The following SSH2 variants were observed in gnomAD, a reference collection of about 807,000 sequenced individuals.
SSH2 encodes protein phosphatase Slingshot homolog 2.
SSH2 carries 37 observed loss-of-function variants against 135.2 expected under a neutral mutation model. The observed-to-expected ratio is 0.27, with a 90% CI of 0.21 to 0.36. The LOEUF is 0.36. Among genes scored for constraint, SSH2 ranks in the 10% least tolerant of loss-of-function variants. The probability of loss-of-function intolerance (pLI) is 1.00; values close to 1 mark genes in which losing one functional copy is unlikely to be tolerated. For synonymous variants in SSH2, 628 were observed against 646.2 expected (o/e 0.97, Z 0.43); for missense variants, 1,408 against 1,765.3 (o/e 0.80, Z 3.63).
At chr17:29,756,263 C>CA (rs1375228462) in intron 3 of SSH2, among the ~76,000 whole-genome samples, 2,026 of 82,450 alleles carry the variant, frequency 0.025, 20 homozygotes, top group Middle Eastern at 0.094. Flanking sequence ...GACTCTGTCT[C>CA]AAAAAAAAAA....
intron 1 of SSH2, among the ~76,000 whole-genome samples, chr17:29,875,012 A>C (rs1310345494): frequency 1.3e-5 from 2 of 152,128 alleles, no homozygotes. Flanking sequence ...ATGCTCCTCA[A>C]CTTACAAGGC....
chr17:29,785,980 ATTT>A (rs1338005467), intron 3 of SSH2, among the ~76,000 whole-genome samples: 1 of 148,824 alleles, frequency 6.7e-6, no homozygotes, highest in Non-Finnish European at 1.5e-5. Flanking sequence ...AGTTTTTTGT[ATTT>A]TTAGTAGAGA....
chr17:29,694,197 CT>C (rs1206790298), intron 5 of SSH2, among the ~76,000 whole-genome samples: 2 of 152,096 alleles, frequency 1.3e-5, no homozygotes, highest in Admixed American at 1.3e-4. Flanking sequence ...TTGGACACCC[CT>C]GAGAGGCTCA....
chr17:29,891,738 G>A (rs2066353737), intron 1 of SSH2, among the ~76,000 whole-genome samples: 1 of 152,036 alleles, frequency 6.6e-6, no homozygotes, highest in South Asian at 2.1e-4. Flanking sequence ...AAAGTACAGA[G>A]CAGAACCGCA....
intron 13 of SSH2, among the ~76,000 whole-genome samples, chr17:29,648,888 C>G (rs140392681): frequency 6.6e-6 from 1 of 152,124 alleles, no homozygotes; most frequent in Non-Finnish European, 1.5e-5. Flanking sequence ...TGCCTGTAAT[C>G]CCAGCACTTT....
At chr17:29,840,886 C>T (rs1388087384) in intron 2 of SSH2, among the ~76,000 whole-genome samples, 1 of 152,198 alleles carries the variant, frequency 6.6e-6, no homozygotes, top group Non-Finnish European at 1.5e-5. Flanking sequence ...AGAGTGAAGT[C>T]ACAGTCAGTA....
chr17:29,645,830 G>C (rs2036348027), intron 14 of SSH2: 2 of 152,202 alleles, frequency 1.3e-5, no homozygotes. Context: ...CAAATGTTGA[G>C]TAAATGGGAG....
At chr17:29,741,580 G>A (rs898945661) in intron 3 of SSH2, among the ~76,000 whole-genome samples, 4 of 150,776 alleles carry the variant, frequency 2.7e-5, no homozygotes, top group Non-Finnish European at 5.9e-5. Flanking sequence ...TAATGAGGCT[G>A]CAAAGCAATA....
Position 29,636,201 on chromosome 17 carries a change from T to C in SSH2, c.2029A>G (p.Ile677Val). 1 of 1,614,038 alleles carries C rather than the reference T, an allele frequency of 6.2e-7. No homozygotes were observed. Among genetic ancestry groups the C allele is most frequent in the Non-Finnish European group, 8.5e-7 (1 of 1,180,008 alleles). ...TEISDFSTDR[I>V]DFFSALEKFV... ...TTCTCTAGGGCACTAAAAAAGTCAA[T>C]GCGATCTGTACTGAAATCTGAGATT... Residue 677 changes from isoleucine (I) to valine (V), a missense_variant, in exon 15 of 16, where the codon ATT (isoleucine) becomes GTT (valine). Physicochemically the swap from Ile to Val is conservative, Grantham distance 29 (BLOSUM62 3). Around this residue, in one of 3 missense-constraint regions of SSH2, gnomAD observed 1,080 missense variants for 1,144.5 expected, o/e 0.94. Coordinates refer to ENST00000540801, the MANE Select transcript of SSH2 (RefSeq NM_001282129.2).
chr17:29,876,894 T>C (rs2066044080), intron 1 of SSH2, among the ~76,000 whole-genome samples: 1 of 151,762 alleles, frequency 6.6e-6, no homozygotes, highest in Admixed American at 6.6e-5. Flanking sequence ...AAAAAGCTTT[T>C]GCACAGCAAA....
rs184667008 is a variant in SSH2, at chr17:29,635,610, G to A, written c.2262+358C>T. 5.6e-3 allele frequency among the ~76,000 whole-genome samples: 850 copies of A among 151,006 alleles called. 2 individuals are homozygous for A. The highest frequency in any genetic ancestry group is 7.3e-3 in the Non-Finnish European group (496 of 67,646). On this transcript the variant is annotated intron_variant, in intron 15 of 15. Coordinates refer to ENST00000540801, the MANE Select transcript of SSH2 (RefSeq NM_001282129.2). ...TTTTTAGTAGAGACGGGGTTTCACCGTGTTAGCCAGGATGGTTTCGATCTC... is the reference window on the plus strand; with the variant it reads ...TTTTTAGTAGAGACGGGGTTTCACCATGTTAGCCAGGATGGTTTCGATCTC...
intron 1 of SSH2, among the ~76,000 whole-genome samples, chr17:29,901,410 C>T (rs1432059199): frequency 6.6e-6 from 1 of 152,138 alleles, no homozygotes; most frequent in East Asian, 1.9e-4. Flanking sequence ...TTGTATTCCT[C>T]TGTTGCAAAG....
At chr17:29,713,078 G>A (rs1354990991) in intron 3 of SSH2, among the ~76,000 whole-genome samples, 1 of 152,244 alleles carries the variant, frequency 6.6e-6, no homozygotes, top group African/African-American at 2.4e-5. Flanking sequence ...GCTCACGCCT[G>A]TAATTCCAGC....
At chr17:29,910,957 G>T (rs914235361) in intron 1 of SSH2, among the ~76,000 whole-genome samples, 9 of 151,994 alleles carry the variant, frequency 5.9e-5, no homozygotes, top group African/African-American at 1.9e-4. Context: ...CTCTGAAATG[G>T]TGACATTATT....
At chr17:29,758,802 G>A (rs907215475) in intron 3 of SSH2, among the ~76,000 whole-genome samples, 2 of 152,122 alleles carry the variant, frequency 1.3e-5, no homozygotes, top group Non-Finnish European at 2.9e-5. Flanking sequence ...AGGCTGGCAT[G>A]CAATGGCACA....
chr17:29,793,407 A>C (rs1486934244), intron 3 of SSH2, among the ~76,000 whole-genome samples: 1 of 152,180 alleles, frequency 6.6e-6, no homozygotes, highest in Non-Finnish European at 1.5e-5. Context: ...AAATTTATCA[A>C]ATATGAATGA....
chr17:29,848,104 G>A (rs1051115597), intron 2 of SSH2, among the ~76,000 whole-genome samples: 4 of 152,146 alleles, frequency 2.6e-5, no homozygotes, highest in African/African-American at 9.7e-5. Context: ...CCTGGGCTAA[G>A]CCCCAGTTTG....
rs149313178 is a variant in SSH2 at position 29,911,683 on chromosome 17, C to T, written c.63+18255G>A. Among the ~76,000 whole-genome samples the T allele has an allele frequency of 4.6e-3, 695 of 152,280 alleles. 8 individuals carry two copies. Among genetic ancestry groups the T allele is most frequent in the African/African-American group, 0.016 (657 of 41,552 alleles). On this transcript the variant is annotated intron_variant, in intron 1 of 15. Transcript: ENST00000540801. ...ATCAAGCAAACTTACCCCCAAAAAA[C>T]ACTGCTAACAAGTCTCTATACCAGG...
chr17:29,900,144 A>C lies in SSH2; in HGVS notation c.63+29794T>G, dbSNP rs150072163. On this transcript the variant is annotated intron_variant, in intron 1 of 15. Coordinates refer to ENST00000540801, the MANE Select transcript of SSH2 (RefSeq NM_001282129.2). ...ACAAAAATTAGTTCAAGATGGATTA[A>C]ATACTTATATGTTAGACCTAAAACC... Among the ~76,000 whole-genome samples the C allele has an allele frequency of 2.7e-3, 418 of 152,360 alleles. 3 individuals are homozygous for C. Among genetic ancestry groups the C allele is most frequent in the African/African-American group, 7.2e-3 (301 of 41,584 alleles).
Sources: allele counts gnomAD v4.1 joint callset (sites outside exome capture counted in the v4.1 genomes callset), GRCh38; gene constraint gnomAD v4.1.1; regional missense constraint gnomAD v4.1.1; transcripts MANE v1.5; gene names NCBI Gene and HGNC (gene_info 2026-07-23, HGNC 2026-07-21).